HS3ST5: variants seen among roughly 807,000 people sequenced by gnomAD.
HS3ST5 encodes heparan sulfate-glucosamine 3-sulfotransferase 5, also known as heparan sulfate glucosamine 3-O-sulfotransferase 5.
Under a neutral mutation model 25.4 loss-of-function variants are expected in HS3ST5, and 10 were observed. The observed-to-expected ratio is 0.39, with a 90% CI of 0.24 to 0.67. The LOEUF is 0.67. HS3ST5 is among the 30% of genes least tolerant of loss of function. The pLI is 0.44. For missense variants in HS3ST5, 324 were observed against 420.7 expected, an observed-to-expected ratio of 0.77 and a Z score of 2.01; for synonymous variants, 170 against 162.4, an observed-to-expected ratio of 1.05 and a Z score of -0.36.
intron 1 of HS3ST5, among the ~76,000 whole-genome samples, chr6:114,321,385 C>T (rs1209502190): frequency 6.6e-6 from 1 of 151,998 alleles, no homozygotes; most frequent in Non-Finnish European, 1.5e-5. Context: ...CAAGGTCTTT[C>T]TCAATTAGCC....
chr6:114,063,514 G>GAA (rs369347111), intron 3 of HS3ST5, among the ~76,000 whole-genome samples: 275 of 98,448 alleles, frequency 2.8e-3, no homozygotes, highest in South Asian at 0.015. Context: ...ACCTGTCTCA[G>GAA]AAAAAAAAAA....
At chr6:114,058,531 A>C (rs1740425873) in intron 4 of HS3ST5, 1 of 199,294 alleles carries the variant, frequency 5.0e-6, no homozygotes, top group South Asian at 1.4e-4. Context: ...AATCATTAAG[A>C]AAAAGTGAAA....
At chr6:114,331,156 G>T (rs546543257) in intron 1 of HS3ST5, among the ~76,000 whole-genome samples, 5 of 152,130 alleles carry the variant, frequency 3.3e-5, no homozygotes, top group Admixed American at 6.6e-5. Context: ...ACAGTAAACC[G>T]CATGGTTGCA....
rs561738807 is a variant in HS3ST5 at position 114,129,342 on chromosome 6, G to A, written c.-33+39009C>T. On this transcript the variant is annotated intron_variant, in intron 3 of 4. Coordinates refer to ENST00000312719, the MANE Select transcript of HS3ST5 (RefSeq NM_153612.4). ...ACAATCTTGGCTCACTGCAAGCTCC[G>A]CCTCCTGGGTTCACACCATTCTCCT... Among the ~76,000 whole-genome samples, 104 of 136,444 alleles carry A rather than the reference G, an allele frequency of 7.6e-4. 1 individual carries two copies. The highest frequency in any genetic ancestry group is 2.3e-3 in the African/African-American group (83 of 36,818). 89.5% of individuals were successfully genotyped at this position (136,444 alleles called of 152,430 possible). A position where few individuals can be genotyped will look rare whatever the true frequency, so the allele number is the denominator to read the frequency against.
At chr6:114,331,257 T>C (rs1387129605) in intron 1 of HS3ST5, among the ~76,000 whole-genome samples, 1 of 152,176 alleles carries the variant, frequency 6.6e-6, no homozygotes, top group Non-Finnish European at 1.5e-5. Flanking sequence ...AGGTGTCTTT[T>C]AAAACAGGAT....
chr6:114,241,483 T>A (rs370835248), intron 1 of HS3ST5, among the ~76,000 whole-genome samples: 1 of 152,188 alleles, frequency 6.6e-6, no homozygotes, highest in South Asian at 2.1e-4. Flanking sequence ...ATAAAGGAGA[T>A]AAACACAGAG....
intron 1 of HS3ST5, among the ~76,000 whole-genome samples, chr6:114,272,730 T>C (rs1443872542): frequency 6.6e-6 from 1 of 151,996 alleles, no homozygotes; most frequent in Non-Finnish European, 1.5e-5. Context: ...TACCAACACA[T>C]GCAGGGCAGG....
rs139458047 is a variant in HS3ST5 at position 114,219,737 on chromosome 6, T to G, written c.-145+8848A>C. Among the ~76,000 whole-genome samples, 364 of 152,272 alleles carry G rather than the reference T, an allele frequency of 2.4e-3. 2 individuals carry two copies. The highest frequency in any genetic ancestry group is 8.6e-3 in the African/African-American group (356 of 41,576). On this transcript the variant is annotated intron_variant, in intron 2 of 4. Coordinates refer to ENST00000312719, the MANE Select transcript of HS3ST5 (RefSeq NM_153612.4). ...GGGCATCACATTAATAAGAATCAGA[T>G]GTAGTTTTAAACTGTGATTTTCAAT...
At chr6:114,296,986 C>T (rs1017553069) in intron 1 of HS3ST5, among the ~76,000 whole-genome samples, 1 of 152,154 alleles carries the variant, frequency 6.6e-6, no homozygotes, top group Admixed American at 6.5e-5. Context: ...GGAGTACACG[C>T]TTCTCTGTAA....
intron 1 of HS3ST5, among the ~76,000 whole-genome samples, chr6:114,295,060 C>A (rs1156884206): frequency 6.6e-6 from 1 of 151,772 alleles, no homozygotes; most frequent in Non-Finnish European, 1.5e-5. Context: ...TTTTCAAACC[C>A]AGATAGCTGG....
At chr6:114,253,197 A>G (rs1772743538) in intron 1 of HS3ST5, among the ~76,000 whole-genome samples, 1 of 152,212 alleles carries the variant, frequency 6.6e-6, no homozygotes, top group African/African-American at 2.4e-5. Flanking sequence ...CCTATCTCAA[A>G]AGAAACACAT....
chr6:114,340,513 C>T (rs1305666152), intron 1 of HS3ST5: 2 of 152,166 alleles, frequency 1.3e-5, no homozygotes, highest in Non-Finnish European at 2.9e-5. Context: ...CTTCTTGTGT[C>T]TCCATCAGTT....
chr6:114,177,370 T>G (rs1779771962), intron 2 of HS3ST5, among the ~76,000 whole-genome samples: 1 of 152,174 alleles, frequency 6.6e-6, no homozygotes, highest in South Asian at 2.1e-4. Context: ...TGATAATCAC[T>G]CTAGTGTTCC....
intron 1 of HS3ST5, among the ~76,000 whole-genome samples, chr6:114,274,138 TGAG>T (rs1773750050): frequency 6.6e-6 from 1 of 151,866 alleles, no homozygotes; most frequent in Non-Finnish European, 1.5e-5. Context: ...CCCAGAGTAA[TGAG>T]GAGAAGACAG....
At chr6:114,064,753 A>C (rs1773348281) in intron 3 of HS3ST5, among the ~76,000 whole-genome samples, 1 of 152,210 alleles carries the variant, frequency 6.6e-6, no homozygotes, top group Non-Finnish European at 1.5e-5. Flanking sequence ...AATTGTATTC[A>C]ATATGACAAA....
chr6:114,233,472 G>C (rs1357584120), intron 1 of HS3ST5, among the ~76,000 whole-genome samples: 1 of 152,062 alleles, frequency 6.6e-6, no homozygotes, highest in East Asian at 1.9e-4. Context: ...AAAAAAGGTA[G>C]TAAAAAATAG....
chr6:114,219,101 T>C (rs1046871871), intron 2 of HS3ST5, among the ~76,000 whole-genome samples: 1 of 152,242 alleles, frequency 6.6e-6, no homozygotes, highest in African/African-American at 2.4e-5. Flanking sequence ...GAAAAATGTG[T>C]AAATGCAAAT....
intron 3 of HS3ST5, among the ~76,000 whole-genome samples, chr6:114,078,184 C>A (rs1373427313): frequency 1.3e-5 from 2 of 152,080 alleles, no homozygotes; most frequent in East Asian, 3.9e-4. Context: ...ACTTAAGAAA[C>A]ATAAACATAC....
intron 3 of HS3ST5, among the ~76,000 whole-genome samples, chr6:114,119,004 A>G (rs1776659316): frequency 6.6e-6 from 1 of 152,234 alleles, no homozygotes; most frequent in African/African-American, 2.4e-5. Flanking sequence ...AGAAAAACAT[A>G]TATTATAAAC....
Sources: gnomAD v4.1 joint callset for allele counts (sites outside exome capture counted in the v4.1 genomes callset) on GRCh38, gnomAD v4.1.1 for gene constraint, MANE v1.5 for transcripts, NCBI Gene and HGNC (gene_info 2026-07-23, HGNC 2026-07-21) for gene names.